Variants in ZNF385B observed in about 807,000 individuals in gnomAD.
ZNF385B encodes the protein zinc finger protein 533.
In ZNF385B, 23 loss-of-function variants were observed where a neutral mutation model predicts 39.2. The observed-to-expected ratio is 0.59, with a 90% CI of 0.42 to 0.83. The LOEUF is 0.83. ZNF385B is among the 40% of genes least tolerant of loss of function. The pLI is 0.00. For synonymous variants in ZNF385B, 205 were observed against 222.6 expected, an observed-to-expected ratio of 0.92 and a Z score of 0.70; for missense variants, 552 against 598.9, an observed-to-expected ratio of 0.92 and a Z score of 0.82.
At chr2:179,831,587 G>A (rs1251683835) in intron 1 of ZNF385B, among the ~76,000 whole-genome samples, 7 of 151,570 alleles carry the variant, frequency 4.6e-5, no homozygotes, top group African/African-American at 9.7e-5. Context: ...TTGGAAATAC[G>A]TGCATCAAAT....
chr2:179,808,718 C>T (rs1285483316), intron 1 of ZNF385B, among the ~76,000 whole-genome samples: 1 of 152,148 alleles, frequency 6.6e-6, no homozygotes, highest in Non-Finnish European at 1.5e-5. Context: ...TTTACAGGAG[C>T]ATCTGTTACT....
intron 3 of ZNF385B, among the ~76,000 whole-genome samples, chr2:179,627,629 G>A (rs1025431020): frequency 1.3e-5 from 2 of 152,086 alleles, no homozygotes; most frequent in South Asian, 2.1e-4. Context: ...CACATTCCAC[G>A]AGGTCCCATC....
chr2:179,566,899 T>TTTTTC (rs1414088014), intron 3 of ZNF385B, among the ~76,000 whole-genome samples: 1 of 151,500 alleles, frequency 6.6e-6, no homozygotes, highest in Non-Finnish European at 1.5e-5. Context: ...CTATATAATC[T>TTTTTC]TTTTCTTTTC....
chr2:179,600,522 A>G (rs1688332311), intron 3 of ZNF385B, among the ~76,000 whole-genome samples: 1 of 152,188 alleles, frequency 6.6e-6, no homozygotes, highest in Non-Finnish European at 1.5e-5. Flanking sequence ...ACTCCAAATG[A>G]GAAAATATTT....
At chr2:179,733,813 A>G (rs534159144) in intron 3 of ZNF385B, among the ~76,000 whole-genome samples, 54 of 151,282 alleles carry the variant, frequency 3.6e-4, no homozygotes, top group African/African-American at 1.3e-3. Flanking sequence ...GTACAAGAGT[A>G]TAATAGTTAA....
intron 3 of ZNF385B, among the ~76,000 whole-genome samples, chr2:179,654,129 T>G (rs1425364231): frequency 2.6e-5 from 4 of 152,138 alleles, no homozygotes. Flanking sequence ...ATCACTTATT[T>G]CTCACCAATG....
chr2:179,685,701 A>T (rs1005690486), intron 3 of ZNF385B, among the ~76,000 whole-genome samples: 5 of 151,660 alleles, frequency 3.3e-5, no homozygotes, highest in Admixed American at 2.0e-4. Flanking sequence ...GTGCTAAAAA[A>T]AAAAATAAAA....
chr2:179,484,493 A>C (rs2054352372), intron 5 of ZNF385B, among the ~76,000 whole-genome samples: 1 of 152,206 alleles, frequency 6.6e-6, no homozygotes, highest in South Asian at 2.1e-4. Context: ...AACTTTAAAA[A>C]CCATCAGTTT....
At chr2:179,542,944 G>A (rs2060010446) in intron 4 of ZNF385B, among the ~76,000 whole-genome samples, 1 of 152,098 alleles carries the variant, frequency 6.6e-6, no homozygotes, top group Admixed American at 6.6e-5. Flanking sequence ...AATTTTTGGA[G>A]TAAGTATTCA....
chr2:179,637,597 T>C (rs1282708242), intron 3 of ZNF385B, among the ~76,000 whole-genome samples: 1 of 152,142 alleles, frequency 6.6e-6, no homozygotes, highest in Non-Finnish European at 1.5e-5. Flanking sequence ...GTAACATTTA[T>C]TTGGGACTTA....
intron 3 of ZNF385B, among the ~76,000 whole-genome samples, chr2:179,615,038 C>T (rs1689617367): frequency 1.3e-5 from 2 of 152,210 alleles, no homozygotes; most frequent in South Asian, 4.1e-4. Context: ...TCCCTTCCAT[C>T]ACTACCAACA....
chr2:179,615,516 T>C (rs1418577331), intron 3 of ZNF385B, among the ~76,000 whole-genome samples: 2 of 152,246 alleles, frequency 1.3e-5, no homozygotes, highest in Non-Finnish European at 2.9e-5. Flanking sequence ...CTGTATTAGG[T>C]ATTTTCCTGG....
chr2:179,448,122 C>A (rs973529172), intron 6 of ZNF385B, among the ~76,000 whole-genome samples: 2 of 151,846 alleles, frequency 1.3e-5, no homozygotes, highest in African/African-American at 2.4e-5. Flanking sequence ...ATTCCATATT[C>A]CCTTTCAGTG....
At chr2:179,620,200 T>C (rs4894115) in intron 3 of ZNF385B, among the ~76,000 whole-genome samples, 72,021 of 151,916 alleles carry the variant, frequency 0.47, 17,202 homozygotes, top group Middle Eastern at 0.55. Flanking sequence ...AGAGATAAAC[T>C]TTTCCTGTTC....
intron 1 of ZNF385B, among the ~76,000 whole-genome samples, chr2:179,793,487 C>CTGA (rs1364763235): frequency 6.6e-6 from 1 of 152,156 alleles, no homozygotes; most frequent in African/African-American, 2.4e-5. Context: ...TGCTGTTCTC[C>CTGA]TGATAGTGAC....
At chr2:179,607,908 C>CT (rs71029822) in intron 3 of ZNF385B, among the ~76,000 whole-genome samples, 2,191 of 97,350 alleles carry the variant, frequency 0.023, 47 homozygotes, top group East Asian at 0.057. Flanking sequence ...CTCAGAAACT[C>CT]TTTTTTTTTT....
At chr2:179,755,650 C>T (rs1339804659) in intron 3 of ZNF385B, among the ~76,000 whole-genome samples, 10 of 152,154 alleles carry the variant, frequency 6.6e-5, no homozygotes, top group Non-Finnish European at 1.5e-4. Context: ...GGAGAGTTAG[C>T]TCTTCTTGTT....
chr2:179,766,248 T>C (rs976801524), intron 3 of ZNF385B, among the ~76,000 whole-genome samples: 1 of 152,086 alleles, frequency 6.6e-6, no homozygotes, highest in African/African-American at 2.4e-5. Flanking sequence ...TTCCCATCGA[T>C]GCCAACTCCA....
chr2:179,810,895 A>C (rs1706691531), intron 1 of ZNF385B, among the ~76,000 whole-genome samples: 1 of 152,112 alleles, frequency 6.6e-6, no homozygotes, highest in African/African-American at 2.4e-5. Flanking sequence ...ATATGATTTT[A>C]TACCTAGAAA....
Sources: allele counts gnomAD v4.1 joint callset (sites outside exome capture counted in the v4.1 genomes callset), GRCh38; gene constraint gnomAD v4.1.1; transcripts MANE v1.5; gene names NCBI Gene and HGNC (gene_info 2026-07-23, HGNC 2026-07-21).